DNTT: variants seen among roughly 807,000 people sequenced by gnomAD.
DNTT encodes the protein nucleosidetriphosphate:DNA deoxynucleotidylexotransferase.
A neutral mutation model predicts 60.9 loss-of-function variants in DNTT; 47 were observed. The ratio of observed to expected loss-of-function variants is 0.77; its 90% CI spans 0.61 to 0.98. The LOEUF (loss-of-function observed/expected upper bound fraction) is 0.98. Ranked by LOEUF, DNTT falls within the 50% of genes least tolerant of loss-of-function variation. The pLI is 0.00. For synonymous variants in DNTT, 224 were observed against 221.2 expected (o/e 1.01, Z -0.11); for missense variants, 665 against 627.5 (o/e 1.06, Z -0.64).
In DNTT at chr10:96,332,433, A is replaced by G. The variant is rs1845017606; in HGVS notation, c.1196A>G (p.His399Arg). 1 of 1,614,184 alleles carries G rather than the reference A, an allele frequency of 6.2e-7. No individual in the cohort carries two copies. Among genetic ancestry groups the G allele is most frequent in the Non-Finnish European group, 8.5e-7 (1 of 1,180,010 alleles). ...AGCAGGAAGGTTGATGCTTTGGATC[A>G]TTTTCAAAAGTGCTTTCTGATTTTC... ...LPSRKVDALD[H>R]FQKCFLIFKL... Residue 399 changes from histidine (H) to arginine (R), a missense_variant, in exon 9 of 11, where the codon CAT (histidine) becomes CGT (arginine). Physicochemically the swap from His to Arg is conservative, Grantham distance 29 (BLOSUM62 0). Coordinates refer to ENST00000371174, the MANE Select transcript of DNTT (RefSeq NM_004088.4).
chr10:96,338,344 C>T lies in DNTT; in HGVS notation c.*120C>T. ...TTAGGTCTTATTGAAATGCAGATTG[C>T]TACTAGAAATAAATAACTTTGGAAA... On this transcript the variant is annotated 3_prime_UTR_variant, in exon 11 of 11. Transcript: ENST00000371174. 5 of 848,214 alleles carry T rather than the reference C, an allele frequency of 5.9e-6. No individual in the cohort carries two copies. Among genetic ancestry groups the T allele is most frequent in the Admixed American group, 3.1e-5 (1 of 32,580 alleles). 52.5% of individuals were successfully genotyped at this position (848,214 alleles called of 1,614,324 possible).
In DNTT at chr10:96,304,565, T is replaced by C. The variant is rs745643208; in HGVS notation, c.68T>C (p.Met23Thr). The change falls in exon 1 of 11, where the codon ATG becomes ACG. Residue 23 changes from methionine to threonine, a missense_variant. Coordinates refer to ENST00000371174, the MANE Select transcript of DNTT (RefSeq NM_004088.4). ...AGACCCCGGCAGACGGGTGCCTTGA[T>C]GGCCTCCTCTCCTCAAGACATCAAA... is the stretch of plus-strand genomic sequence containing the variant. The part of the protein sequence containing the change: ...KKRPRQTGAL[M>T]ASSPQDIKFQ... 9.9e-6 allele frequency: 16 copies of C among 1,614,016 alleles called. No homozygotes were observed. In the East Asian group the frequency reaches 1.6e-4, roughly 16 times the overall value.
chr10:96,315,139 A>G (rs1589370691), intron 1 of DNTT, among the ~76,000 whole-genome samples: 2 of 152,306 alleles, frequency 1.3e-5, no homozygotes, highest in Non-Finnish European at 2.9e-5. Flanking sequence ...TGGGAAATAC[A>G]GTCTGGGCCA....
intron 7 of DNTT, among the ~76,000 whole-genome samples, chr10:96,327,853 C>A (rs530416497): frequency 6.6e-6 from 1 of 152,194 alleles, no homozygotes; most frequent in Admixed American, 6.5e-5. Flanking sequence ...CTCAAATTGT[C>A]GCTTGGCTGA....
chr10:96,311,649 A>G (rs1055619520), intron 1 of DNTT, among the ~76,000 whole-genome samples: 2 of 151,898 alleles, frequency 1.3e-5, no homozygotes, highest in Admixed American at 1.3e-4. Flanking sequence ...TTGTTTGTTT[A>G]TTTGTTTGGG....
In DNTT at chr10:96,319,642, A is replaced by C. The variant is rs538818774; in HGVS notation, c.507+252A>C. Among the ~76,000 whole-genome samples the C allele has an allele frequency of 5.8e-4, 88 of 152,346 alleles. 1 individual carries two copies. Among genetic ancestry groups the C allele is most frequent in the African/African-American group, 2.1e-3 (87 of 41,590 alleles). On this transcript the variant is annotated intron_variant, in intron 3 of 10. Transcript: ENST00000371174. ...AGACAGCGGATTACTATTTACAGAT[A>C]GTTGTCATTAATGGGCGCAACACTT...
chr10:96,332,382 C>A lies in DNTT; in HGVS notation c.1145C>A (p.Ser382Ter). The part of the protein sequence containing the change: ...GLLLYYDLVE[S>*]TFEKLRLPSR... The stretch of plus-strand genomic sequence containing the variant: ...CTTTTATATTATGACCTTGTGGAGT[C>A]AACATTTGAAAAGCTCAGGTTGCCT... Residue 382 changes from serine (S) to a stop codon, truncating the protein, a stop_gained, in exon 9 of 11, where the codon TCA (serine) becomes TAA (stop). Transcript: ENST00000371174. LOFTEE classifies it high-confidence loss of function. The A allele has an allele frequency of 1.2e-6, 2 of 1,614,142 alleles. No individual in the cohort carries two copies. The highest frequency in any genetic ancestry group is 1.1e-5 in the South Asian group (1 of 91,060).
In DNTT at chr10:96,304,715, A is replaced by G; in HGVS notation, c.203+15A>G. The stretch of plus-strand genomic sequence containing the variant: ...AATGAGCTCAGGTAGGACAGCATCG[A>G]TCTTGCTTTGTAAATAAGCAGAGGC... On this transcript the variant is annotated intron_variant, in intron 1 of 10. Transcript: ENST00000371174. The G allele has an allele frequency of 6.2e-7, 1 of 1,610,014 alleles. No individual in the cohort carries two copies. Among genetic ancestry groups the G allele is most frequent in the Non-Finnish European group, 8.5e-7 (1 of 1,177,614 alleles).
intron 1 of DNTT, among the ~76,000 whole-genome samples, chr10:96,313,172 T>C (rs1024065127): frequency 2.0e-5 from 3 of 152,214 alleles, no homozygotes; most frequent in Non-Finnish European, 4.4e-5. Context: ...CAATCGGTCA[T>C]GGCCAAGAAA....
rs199878373 is a variant in DNTT, at chr10:96,320,985, CAT to C, written c.678+199_678+200del. On this transcript the variant is annotated intron_variant, in intron 4 of 10. Coordinates refer to ENST00000371174, the MANE Select transcript of DNTT (RefSeq NM_004088.4). ...CTCTCTCTCTGTTTATTTTTATACA[CAT>C]ACACACACACATACACATATATATA... 7.4e-3 allele frequency among the ~76,000 whole-genome samples: 1,122 copies of C among 152,160 alleles called. 8 individuals are homozygous for C. The highest frequency in any genetic ancestry group is 0.021 in the African/African-American group (891 of 41,496).
rs1214663614 is a variant in DNTT, at chr10:96,332,499, G to A, written c.1262G>A (p.Trp421Ter). 1 of 1,614,164 alleles carries A rather than the reference G, an allele frequency of 6.2e-7. No homozygotes were observed. Among genetic ancestry groups the A allele is most frequent in the Non-Finnish European group, 8.5e-7 (1 of 1,180,012 alleles). The change falls in exon 9 of 11, where the codon TGG (tryptophan) becomes TAG (stop). Residue 421 changes from tryptophan (W) to a stop codon, truncating the protein, a stop_gained. Transcript: ENST00000371174. LOFTEE classifies it high-confidence loss of function. ...AGAGTGGACAGTGACCAGTCCAGCT[G>A]GCAGGAAGGAAAGACCTGGAAGGCC... ...RQRVDSDQSS[W>*]QEGKTWKAIR...
intron 4 of DNTT, among the ~76,000 whole-genome samples, chr10:96,321,081 A>AC (rs1844866444): frequency 6.6e-6 from 1 of 152,092 alleles, no homozygotes; most frequent in African/African-American, 2.4e-5. Context: ...TGTCAGAGTT[A>AC]CCGATAGTGA....
chr10:96,330,523 C>T (rs771196066), intron 8 of DNTT, among the ~76,000 whole-genome samples: 33 of 152,342 alleles, frequency 2.2e-4, no homozygotes, highest in Non-Finnish European at 4.1e-4. Flanking sequence ...ACTACGGCAA[C>T]ATCTACCACC....
At position 96,327,450 on chromosome 10, in the gene DNTT, T is replaced by G; in HGVS notation, c.875-18T>G. On this transcript the variant is annotated intron_variant, in intron 6 of 10. Coordinates refer to ENST00000371174, the MANE Select transcript of DNTT (RefSeq NM_004088.4). ...ACACGTGTCACTCTCTCCATTGACC[T>G]GTCAAATGGCCTCTCAGGATTTCTG... 6.2e-7 allele frequency: 1 copy of G among 1,614,062 alleles called. No individual in the cohort carries two copies. The highest frequency in any genetic ancestry group is 8.5e-7 in the Non-Finnish European group (1 of 1,179,922).
Position 96,320,770 on chromosome 10 carries a change from G to T in DNTT, c.660G>T (p.Lys220Asn). 1.2e-6 allele frequency: 2 copies of T among 1,613,704 alleles called. No individual in the cohort carries two copies. Among genetic ancestry groups the T allele is most frequent in the South Asian group, 1.1e-5 (1 of 91,042 alleles). Residue 220 changes from lysine to asparagine, a missense_variant, in exon 4 of 11, where the codon AAG becomes AAT. Lys to Asn is a moderately conservative substitution (Grantham distance 94, BLOSUM62 0). Transcript: ENST00000371174. ...DTEGIPCLGS[K>N]VKGIIEEIIE... The stretch of plus-strand genomic sequence containing the variant: ...AAGGAATTCCCTGCCTGGGGTCCAA[G>T]GTGAAGGGTATCATAGAGGTAAGGG...
chr10:96,317,606 T>C (rs895122266), intron 1 of DNTT, among the ~76,000 whole-genome samples: 2 of 151,870 alleles, frequency 1.3e-5, no homozygotes, highest in East Asian at 1.9e-4. Context: ...GGGAGGTGAG[T>C]AGGTTATGAG....
At chr10:96,319,611 C>A (rs1440066167) in intron 3 of DNTT, among the ~76,000 whole-genome samples, 1 of 152,172 alleles carries the variant, frequency 6.6e-6, no homozygotes, top group East Asian at 1.9e-4. Context: ...AGGTTATATT[C>A]TTTAGAGACA....
chr10:96,312,929 A>G (rs1379511728), intron 1 of DNTT, among the ~76,000 whole-genome samples: 2 of 152,082 alleles, frequency 1.3e-5, no homozygotes, highest in African/African-American at 4.8e-5. Context: ...TCATCTTTTT[A>G]CCATTACTAT....
At chr10:96,316,796 G>A (rs1372927653) in intron 1 of DNTT, among the ~76,000 whole-genome samples, 1 of 152,106 alleles carries the variant, frequency 6.6e-6, no homozygotes, top group African/African-American at 2.4e-5. Context: ...CTCATGTCTT[G>A]TCATAATTCA....
Sources: gnomAD v4.1 joint callset for allele counts (sites outside exome capture counted in the v4.1 genomes callset) on GRCh38, gnomAD v4.1.1 for gene constraint, MANE v1.5 for transcripts, NCBI Gene and HGNC (gene_info 2026-07-23, HGNC 2026-07-21) for gene names.